Variants in C7orf57 observed in about 807,000 individuals in gnomAD.
The protein encoded by C7orf57 is chromosome 7 open reading frame 57, also known as uncharacterized protein C7orf57.
In C7orf57, 33 loss-of-function variants were observed where a neutral mutation model predicts 39.0. The ratio of observed to expected loss-of-function variants is 0.85; its 90% CI spans 0.64 to 1.13. The LOEUF is 1.13. C7orf57 is among the 50% of genes most tolerant of loss of function. The pLI, the probability that C7orf57 is intolerant of heterozygous loss-of-function variation, is 0.00. For synonymous variants in C7orf57, 124 were observed against 137.1 expected (o/e 0.90, Z 0.67); for missense variants, 346 against 362.3 (o/e 0.95, Z 0.37).
At chr7:48,044,946 C>T (rs748061602) in intron 4 of C7orf57, among the ~76,000 whole-genome samples, 4 of 152,142 alleles carry the variant, frequency 2.6e-5, no homozygotes, top group Admixed American at 1.3e-4. Context: ...AGTGGTTATC[C>T]GGTGTTACTT....
intron 3 of C7orf57, among the ~76,000 whole-genome samples, chr7:48,042,452 G>T (rs1014505593): frequency 6.6e-6 from 1 of 152,150 alleles, no homozygotes; most frequent in Non-Finnish European, 1.5e-5. Context: ...ATCTGCTGAG[G>T]TATAGGGGGA....
At chr7:48,057,208 G>A (rs1003025821) in intron 8 of C7orf57, among the ~76,000 whole-genome samples, 3 of 152,000 alleles carry the variant, frequency 2.0e-5, no homozygotes, top group African/African-American at 7.2e-5. Context: ...TCTGTAGATT[G>A]TTTTGGGTAG....
At chr7:48,057,095 G>T (rs1791138975) in intron 8 of C7orf57, among the ~76,000 whole-genome samples, 1 of 149,506 alleles carries the variant, frequency 6.7e-6, no homozygotes, top group African/African-American at 2.5e-5. Flanking sequence ...GCTCAAGATT[G>T]GTTTGGCTAT....
At chr7:48,037,876 C>T (rs1583797985) in intron 2 of C7orf57, among the ~76,000 whole-genome samples, 1 of 152,008 alleles carries the variant, frequency 6.6e-6, no homozygotes, top group African/African-American at 2.4e-5. Context: ...CAACCAGATT[C>T]GAGTTCAGTG....
In C7orf57 at chr7:48,060,326, A is replaced by G; in HGVS notation, c.*54A>G. The G allele has an allele frequency of 8.9e-7, 1 of 1,119,128 alleles. No individual in the cohort carries two copies. 69.3% of individuals were successfully genotyped at this position (1,119,128 alleles called of 1,614,324 possible). On this transcript the variant is annotated 3_prime_UTR_variant, in exon 9 of 9. Transcript: ENST00000348904. ...TTTTTAAATGGCTAAATATGACATG[A>G]CTGTATTATAGCTATATTTCTGAGG...
intron 2 of C7orf57, among the ~76,000 whole-genome samples, chr7:48,040,907 TC>T (rs770201587): frequency 7.9e-5 from 12 of 152,390 alleles, no homozygotes; most frequent in East Asian, 7.7e-4. Context: ...AGTCATGTAT[TC>T]CACAGGCTTA....
chr7:48,042,608 G>T (rs1330277393), intron 3 of C7orf57, among the ~76,000 whole-genome samples: 1 of 151,916 alleles, frequency 6.6e-6, no homozygotes, highest in African/African-American at 2.4e-5. Flanking sequence ...CCTAGGTCAG[G>T]GTATAGGGGA....
Position 48,036,179 on chromosome 7 carries a change from G to C in C7orf57, c.-101-29G>C, listed in dbSNP as rs1562620189. The C allele has an allele frequency of 3.9e-5, 37 of 943,130 alleles. 1 individual carries two copies. In the East Asian group the frequency reaches 9.7e-4, roughly 25 times the overall value. 58.4% of individuals were successfully genotyped at this position (943,130 alleles called of 1,614,324 possible). On this transcript the variant is annotated intron_variant, in intron 1 of 8. Coordinates refer to ENST00000348904, the MANE Select transcript of C7orf57 (RefSeq NM_001100159.3). ...AGGGCGAGGCGTACAGACCGACCCA[G>C]AGCGGGCGCGCGGATTTTGCTTTTG...
rs570460526 is a variant in C7orf57, at chr7:48,049,610, C to T, written c.508-270C>T. ...CTGGGTGTGGGAAGTTCCTTCAGGA[C>T]GAGGCTCTTAGTTCATTGTTTTTCC... On this transcript the variant is annotated intron_variant, in intron 5 of 8. Coordinates refer to ENST00000348904, the MANE Select transcript of C7orf57 (RefSeq NM_001100159.3). 1.3e-4 allele frequency among the ~76,000 whole-genome samples: 20 copies of T among 152,152 alleles called. No individual in the cohort carries two copies. The South Asian group carries it at 3.3e-3, about 25-fold the overall frequency.
At chr7:48,039,882 T>C (rs774287667) in intron 2 of C7orf57, among the ~76,000 whole-genome samples, 11 of 152,068 alleles carry the variant, frequency 7.2e-5, no homozygotes, top group Non-Finnish European at 1.3e-4. Flanking sequence ...GTCACTTGTG[T>C]CACATTAATT....
At chr7:48,052,099 G>C (rs1427733610) in intron 6 of C7orf57, among the ~76,000 whole-genome samples, 1 of 151,506 alleles carries the variant, frequency 6.6e-6, no homozygotes, top group Non-Finnish European at 1.5e-5. Context: ...TCAGCCTCCT[G>C]AGTAGCTGGG....
At position 48,041,537 on chromosome 7, in the gene C7orf57, C is replaced by T; in HGVS notation, c.241+18C>T. On this transcript the variant is annotated intron_variant, in intron 3 of 8. Transcript: ENST00000348904. ...CAGGCCCGGTGAGCCCCCTCCTGCCCTGTTCAGTGTGGCAGCCTCGCGGGC... is the reference window on the plus strand; with the variant it reads ...CAGGCCCGGTGAGCCCCCTCCTGCCTTGTTCAGTGTGGCAGCCTCGCGGGC... The T allele has an allele frequency of 6.4e-7, 1 of 1,572,976 alleles. No individual in the cohort carries two copies. Among genetic ancestry groups the T allele is most frequent in the Non-Finnish European group, 8.6e-7 (1 of 1,156,450 alleles).
At position 48,054,947 on chromosome 7, in the gene C7orf57, G is replaced by A. The variant is rs1425721005; in HGVS notation, c.841+341G>A. On this transcript the variant is annotated intron_variant, in intron 8 of 8. Transcript: ENST00000348904. The stretch of plus-strand genomic sequence containing the variant: ...GCTGGAGTGCAGTGGCGCGATCTCC[G>A]CTCACTGCAAGCTCCGCCTCCCGGG... Among the ~76,000 whole-genome samples the A allele has an allele frequency of 3.9e-5, 6 of 151,964 alleles. 1 individual carries two copies. The South Asian group carries it at 1.2e-3, about 32-fold the overall frequency.
At position 48,035,765 on chromosome 7, in the gene C7orf57, T is replaced by G; in HGVS notation, c.-102+135T>G. The G allele has an allele frequency of 1.7e-6, 1 of 584,304 alleles. No individual in the cohort carries two copies. The highest frequency in any genetic ancestry group is 3.0e-6 in the Non-Finnish European group (1 of 330,188). 36.2% of individuals were successfully genotyped at this position (584,304 alleles called of 1,614,324 possible). A position where few individuals can be genotyped will look rare whatever the true frequency, so the allele number is the denominator to read the frequency against. ...GGACCACCTTGTCGCCGGGTTGGGA[T>G]GAGCACAGGGCGGGATCTCCAAGCC... On this transcript the variant is annotated intron_variant, in intron 1 of 8. Coordinates refer to ENST00000348904, the MANE Select transcript of C7orf57 (RefSeq NM_001100159.3). The surrounding 1 kb of genome is among the most constrained non-coding windows in gnomAD (Gnocchi z 4.0).
intron 3 of C7orf57, among the ~76,000 whole-genome samples, chr7:48,042,825 T>C (rs1212703127): frequency 7.9e-5 from 12 of 152,192 alleles, no homozygotes; most frequent in Admixed American, 7.9e-4. Flanking sequence ...CCCCGCCTTT[T>C]GAAACCGGGG....
chr7:48,040,607 C>G (rs1336220294), intron 2 of C7orf57, among the ~76,000 whole-genome samples: 1 of 151,908 alleles, frequency 6.6e-6, no homozygotes, highest in African/African-American at 2.4e-5. Flanking sequence ...ATGAAAGGGA[C>G]AAGGAGAGAG....
intron 8 of C7orf57, 130 bp downstream of exon 8, chr7:48,054,736 A>G (rs1583822958): frequency 1.4e-6 from 1 of 705,710 alleles, no homozygotes. Flanking sequence ...AACTGCATGC[A>G]TTCTGACTAC....
chr7:48,036,331 T>C lies in C7orf57; in HGVS notation c.23T>C (p.Leu8Pro), dbSNP rs757318512. The C allele has an allele frequency of 1.3e-6, 2 of 1,591,458 alleles. No homozygotes were observed. Among genetic ancestry groups the C allele is most frequent in the Non-Finnish European group, 1.7e-6 (2 of 1,169,348 alleles). MRNTSKE[L>P]QGATHRYAPC... ...ACCATGAGGAACACAAGCAAGGAACTTCAGGGCGCCACGCACCGCTACGCT... is the reference window on the plus strand; with the variant it reads ...ACCATGAGGAACACAAGCAAGGAACCTCAGGGCGCCACGCACCGCTACGCT... Residue 8 changes from leucine to proline, a missense_variant, in exon 2 of 9, where the codon CTT becomes CCT. By Grantham distance (98) the Leu-to-Pro change is moderately conservative (BLOSUM62 -3). Transcript: ENST00000348904.
rs1390459363 is a variant in C7orf57 at position 48,043,562 on chromosome 7, G to C, written c.323G>C (p.Ser108Thr). The change falls in exon 4 of 9, where the codon AGC (serine) becomes ACC (threonine). Residue 108 changes from serine (S) to threonine (T), a missense_variant. By Grantham distance (58) the Ser-to-Thr change is moderately conservative. Coordinates refer to ENST00000348904, the MANE Select transcript of C7orf57 (RefSeq NM_001100159.3). ...YSLPDWYIHH[S>T]KPPTASQQEV... ...CTGCCAGACTGGTATATCCACCACA[G>C]CAAGCCACCGACAGCCAGCCAGCAA... The C allele has an allele frequency of 6.2e-7, 1 of 1,613,786 alleles. No individual in the cohort carries two copies. The highest frequency in any genetic ancestry group is 1.3e-5 in the African/African-American group (1 of 74,912).
Sources: gnomAD v4.1 joint callset for allele counts (sites outside exome capture counted in the v4.1 genomes callset) on GRCh38, gnomAD v4.1.1 for gene constraint, Gnocchi (gnomAD v3.1) non-coding constraint, MANE v1.5 for transcripts, NCBI Gene and HGNC (gene_info 2026-07-23, HGNC 2026-07-21) for gene names.